The following CEP128 variants were observed in gnomAD, a reference collection of about 807,000 sequenced individuals.
CEP128 encodes centrosomal protein 128, also known as centrosomal protein 128kDa.
Under a neutral mutation model 156.7 loss-of-function variants are expected in CEP128, and 132 were observed. The ratio of observed to expected loss-of-function variants is 0.84; its 90% CI spans 0.73 to 0.97. The LOEUF (loss-of-function observed/expected upper bound fraction) is 0.97. Ranked by LOEUF, CEP128 falls within the 50% of genes least tolerant of loss-of-function variation. CEP128 has a pLI of 0.00. For synonymous variants in CEP128, 469 were observed against 448.9 expected (o/e 1.04, Z -0.57); for missense variants, 1,252 against 1,281.9 (o/e 0.98, Z 0.36).
At chr14:80,888,805 A>C (rs1023140817) in intron 8 of CEP128, among the ~76,000 whole-genome samples, 2 of 152,208 alleles carry the variant, frequency 1.3e-5, no homozygotes, top group Non-Finnish European at 1.5e-5. Context: ...GAAATAAATA[A>C]AGGGCATTCA....
chr14:80,579,524 T>C (rs747827191), intron 20 of CEP128, among the ~76,000 whole-genome samples: 1 of 152,186 alleles, frequency 6.6e-6, no homozygotes, highest in South Asian at 2.1e-4. Flanking sequence ...AACACTTCTC[T>C]TGCTCTTTGG....
At chr14:80,724,800 C>T (rs1247118255) in intron 19 of CEP128, among the ~76,000 whole-genome samples, 1 of 151,672 alleles carries the variant, frequency 6.6e-6, no homozygotes, top group African/African-American at 2.4e-5. Context: ...ATATCAGAGG[C>T]TTAATGTTTT....
intron 19 of CEP128, among the ~76,000 whole-genome samples, chr14:80,628,238 G>A (rs1893814203): frequency 6.6e-6 from 1 of 152,174 alleles, no homozygotes; most frequent in Non-Finnish European, 1.5e-5. Context: ...CCTAAATAGT[G>A]AAATGTGACA....
intron 8 of CEP128, among the ~76,000 whole-genome samples, chr14:80,887,722 G>A (rs1437750186): frequency 6.6e-6 from 1 of 152,058 alleles, no homozygotes; most frequent in East Asian, 1.9e-4. Context: ...AAAAGAACTA[G>A]AGAAGTAAGG....
chr14:80,746,929 T>C (rs1339538605), intron 18 of CEP128, among the ~76,000 whole-genome samples: 2 of 152,114 alleles, frequency 1.3e-5, no homozygotes, highest in African/African-American at 2.4e-5. Context: ...AGGATGTAAA[T>C]AGATATTTCT....
intron 2 of CEP128, among the ~76,000 whole-genome samples, chr14:80,949,063 A>G (rs1403068329): frequency 1.3e-5 from 2 of 152,218 alleles, no homozygotes; most frequent in Non-Finnish European, 2.9e-5. Context: ...AGGTGGAGTA[A>G]CAGAGACCAG....
intron 4 of CEP128, among the ~76,000 whole-genome samples, chr14:80,914,050 G>A (rs888418400): frequency 2.6e-5 from 4 of 151,936 alleles, no homozygotes; most frequent in Non-Finnish European, 5.9e-5. Context: ...TCTCTCCATG[G>A]CCCAAGTTTA....
chr14:80,604,215 C>G (rs575310163), intron 19 of CEP128, among the ~76,000 whole-genome samples: 1 of 152,082 alleles, frequency 6.6e-6, no homozygotes, highest in East Asian at 1.9e-4. Flanking sequence ...CAAAGACATC[C>G]TCTGACTTTG....
intron 23 of CEP128, chr14:80,514,610 G>T: frequency 3.3e-6 from 1 of 304,152 alleles, no homozygotes; most frequent in Non-Finnish European, 6.7e-6. Flanking sequence ...TATCTAATAG[G>T]ATTCTAAATT....
At chr14:80,783,691 T>C (rs1901245191) in intron 15 of CEP128, among the ~76,000 whole-genome samples, 1 of 152,232 alleles carries the variant, frequency 6.6e-6, no homozygotes, top group Admixed American at 6.5e-5. Flanking sequence ...AACATTAAAA[T>C]GTGTATCTTC....
chr14:80,709,595 G>T (rs1294607431), intron 19 of CEP128, among the ~76,000 whole-genome samples: 1 of 152,050 alleles, frequency 6.6e-6, no homozygotes, highest in African/African-American at 2.4e-5. Context: ...GACTGTATGT[G>T]CATTAAGACT....
At chr14:80,944,822 C>CAAAAAAAAAAA (rs55662141), upstream of CEP128, among the ~76,000 whole-genome samples, 20 of 34,656 alleles carry the variant, frequency 5.8e-4, no homozygotes, top group Non-Finnish European at 7.5e-4. Flanking sequence ...GAGTCTGTCT[C>CAAAAAAAAAAA]AAAAAAAAAA....
chr14:80,613,699 A>G (rs1019934363), intron 19 of CEP128, among the ~76,000 whole-genome samples: 2 of 152,160 alleles, frequency 1.3e-5, no homozygotes, highest in African/African-American at 4.8e-5. Context: ...ATCTCCCTAT[A>G]TGTACATATG....
At chr14:80,546,229 T>C (rs1003525939) in intron 21 of CEP128, among the ~76,000 whole-genome samples, 1 of 152,192 alleles carries the variant, frequency 6.6e-6, no homozygotes, top group Non-Finnish European at 1.5e-5. Flanking sequence ...ATCCATTGTC[T>C]CATTTGACCT....
intron 19 of CEP128, among the ~76,000 whole-genome samples, chr14:80,626,853 C>A (rs978126427): frequency 1.3e-5 from 2 of 152,138 alleles, no homozygotes; most frequent in African/African-American, 4.8e-5. Flanking sequence ...TCGCTTGAAC[C>A]CAGGAGGCAG....
At chr14:80,852,358 G>C (rs1886933517) in intron 9 of CEP128, among the ~76,000 whole-genome samples, 1 of 151,162 alleles carries the variant, frequency 6.6e-6, no homozygotes, top group South Asian at 2.1e-4. Context: ...AAAAGATTTT[G>C]AAAAAAAATT....
chr14:80,547,306 A>G (rs1162858918), intron 21 of CEP128, among the ~76,000 whole-genome samples: 3 of 152,230 alleles, frequency 2.0e-5, no homozygotes, highest in Non-Finnish European at 4.4e-5. Context: ...CTCAAGGTAA[A>G]TATGAGATTT....
chr14:80,683,205 T>C (rs1896391211), intron 19 of CEP128, among the ~76,000 whole-genome samples: 1 of 152,174 alleles, frequency 6.6e-6, no homozygotes, highest in African/African-American at 2.4e-5. Flanking sequence ...ACCATCCATC[T>C]GCTCTTTTCA....
intron 2 of CEP128, among the ~76,000 whole-genome samples, chr14:80,953,683 T>C (rs769837609): frequency 3.9e-5 from 6 of 152,184 alleles, no homozygotes; most frequent in Non-Finnish European, 7.3e-5. Flanking sequence ...ATCACTATGA[T>C]TCACCACATT....
Sources: gnomAD v4.1 joint callset for allele counts (sites outside exome capture counted in the v4.1 genomes callset) on GRCh38, gnomAD v4.1.1 for gene constraint, MANE v1.5 for transcripts, NCBI Gene and HGNC (gene_info 2026-07-23, HGNC 2026-07-21) for gene names.